ASS1: variants seen among roughly 807,000 people sequenced by gnomAD.
ASS1 encodes the protein argininosuccinate synthase.
In ASS1, 58 loss-of-function variants were observed where a neutral mutation model predicts 60.5. The observed-to-expected ratio is 0.96, with a 90% CI of 0.78 to 1.19. The LOEUF (loss-of-function observed/expected upper bound fraction) is 1.19. Among genes scored for constraint, ASS1 ranks in the 50% most tolerant of loss-of-function variants. The pLI, the probability that ASS1 is intolerant of heterozygous loss-of-function variation, is 0.00. For synonymous variants in ASS1, 200 were observed against 206.9 expected, an observed-to-expected ratio of 0.97 and a Z score of 0.29; for missense variants, 454 against 547.3, an observed-to-expected ratio of 0.83 and a Z score of 1.70.
chr9:130,454,451 G>A lies in ASS1; in HGVS notation c.174+78G>A, dbSNP rs947664319. On this transcript the variant is annotated intron_variant, in intron 3 of 14. Coordinates refer to ENST00000352480, the MANE Select transcript of ASS1 (RefSeq NM_054012.4). ...GGCAGTGGTGGATGCTCCTGCCCCA[G>A]GGATCCCATCCCTTCCAGTGTGTCT... 2.8e-6 allele frequency: 4 copies of A among 1,413,242 alleles called. No individual in the cohort carries two copies. In the South Asian group the frequency reaches 4.9e-5, roughly 17 times the overall value. 87.5% of individuals were successfully genotyped at this position (1,413,242 alleles called of 1,614,324 possible). A position where few individuals can be genotyped will look rare whatever the true frequency, so the allele number is the denominator to read the frequency against.
chr9:130,482,484 A>G (rs1846197994), intron 11 of ASS1, among the ~76,000 whole-genome samples: 1 of 151,680 alleles, frequency 6.6e-6, no homozygotes, highest in African/African-American at 2.4e-5. Flanking sequence ...GCACTACCAA[A>G]TGATCAGGAT....
At chr9:130,455,652 G>T (rs948593826) in intron 3 of ASS1, among the ~76,000 whole-genome samples, 14 of 152,238 alleles carry the variant, frequency 9.2e-5, no homozygotes, top group African/African-American at 3.1e-4. Context: ...CATTTATGAT[G>T]AACAGTGTCA....
rs1352418220 is a variant in ASS1 at position 130,477,765 on chromosome 9, GCT to G, written c.688+805_688+806del. On this transcript the variant is annotated intron_variant, in intron 9 of 14. Coordinates refer to ENST00000352480, the MANE Select transcript of ASS1 (RefSeq NM_054012.4). This position sits in a 1 kb window ranked among gnomAD's most constrained non-coding sequence, Gnocchi z 4.2. ...AGGGAGGCTTCCTGGAGGAGGTGGT[GCT>G]GGGCACAGGGGCACCCAAGGACCAG... is the stretch of plus-strand genomic sequence containing the variant. Among the ~76,000 whole-genome samples the G allele has an allele frequency of 6.6e-6, 1 of 152,224 alleles. No individual in the cohort carries two copies.
At chr9:130,458,030 G>T (rs777067294) in intron 3 of ASS1, among the ~76,000 whole-genome samples, 19 of 151,990 alleles carry the variant, frequency 1.3e-4, no homozygotes, top group Admixed American at 2.6e-4. Context: ...ATGGTGGCAT[G>T]CGCCTGTAAT....
In ASS1 at chr9:130,491,928, T is replaced by C. The variant is rs1395916512; in HGVS notation, c.970+2464T>C. Among the ~76,000 whole-genome samples, 2 of 152,160 alleles carry C rather than the reference T, an allele frequency of 1.3e-5. No homozygotes were observed. The highest frequency in any genetic ancestry group is 4.8e-5 in the African/African-American group (2 of 41,446). ...ACCCCCACAGCTCAGAGGGCCTGTT[T>C]GATGCGATTTTCCCCATGAGGGATA... On this transcript the variant is annotated intron_variant, in intron 12 of 14. Coordinates refer to ENST00000352480, the MANE Select transcript of ASS1 (RefSeq NM_054012.4). The surrounding 1 kb of genome is among the most constrained non-coding windows in gnomAD (Gnocchi z 5.3).
intron 1 of ASS1, among the ~76,000 whole-genome samples, chr9:130,449,574 T>C (rs115914366): frequency 0.018 from 2,811 of 152,128 alleles, 87 homozygotes; most frequent in African/African-American, 0.064. Flanking sequence ...AGGACTTCCC[T>C]TCCTTGAGTC....
intron 14 of ASS1, 51 bp from the exon 15 acceptor site, chr9:130,500,925 G>GT: frequency 6.3e-7 from 1 of 1,580,714 alleles, no homozygotes; most frequent in South Asian, 1.1e-5. Flanking sequence ...AACCCAGTGT[G>GT]TGTTGTTATT....
Position 130,476,809 on chromosome 9 carries a change from T to A in ASS1, c.598-62T>A. On this transcript the variant is annotated intron_variant, in intron 8 of 14. Transcript: ENST00000352480. This position sits in a 1 kb window ranked among gnomAD's most constrained non-coding sequence, Gnocchi z 4.9. Reference sequence around the variant, plus strand: ...GAGGGGTGCAGATCCCCGCGGGAGGTGGGCTGTAGGGTGTCCAGGGACTGG... The same window carrying A: ...GAGGGGTGCAGATCCCCGCGGGAGGAGGGCTGTAGGGTGTCCAGGGACTGG... The A allele has an allele frequency of 6.8e-7, 1 of 1,468,118 alleles. No homozygotes were observed. The highest frequency in any genetic ancestry group is 9.5e-7 in the Non-Finnish European group (1 of 1,049,714). The allele number at this position is 1,468,118 out of a possible 1,614,324, so 90.9% of individuals were successfully genotyped here. A position where few individuals can be genotyped will look rare whatever the true frequency, so the allele number is the denominator to read the frequency against.
At chr9:130,463,966 C>A in intron 4 of ASS1, 145 bp from the exon 5 acceptor site, 1 of 829,302 alleles carries the variant, frequency 1.2e-6, no homozygotes, top group Non-Finnish European at 2.0e-6. Flanking sequence ...CCCACACATA[C>A]ACGACCTACA....
chr9:130,497,302 C>T (rs1270525833), intron 13 of ASS1, among the ~76,000 whole-genome samples: 1 of 152,210 alleles, frequency 6.6e-6, no homozygotes, highest in Non-Finnish European at 1.5e-5. Context: ...TTGATTTCTA[C>T]ATCGCTGACT....
chr9:130,480,654 A>G (rs1404026503), intron 11 of ASS1, among the ~76,000 whole-genome samples: 1 of 152,184 alleles, frequency 6.6e-6, no homozygotes, highest in Non-Finnish European at 1.5e-5. Flanking sequence ...TCAGGGTGTT[A>G]TGAGAAGAGC....
intron 1 of ASS1, chr9:130,450,221 C>G (rs1176796409): frequency 2.0e-6 from 2 of 976,532 alleles, no homozygotes; most frequent in African/African-American, 1.8e-5. Flanking sequence ...TTTAGGGCCT[C>G]TGGGATGGCC....
intron 6 of ASS1, among the ~76,000 whole-genome samples, chr9:130,469,076 C>T (rs889044995): frequency 3.3e-5 from 5 of 152,330 alleles, no homozygotes; most frequent in East Asian, 3.9e-4. Flanking sequence ...TTCACGCCAC[C>T]GCCCAAAAAC....
At position 130,459,858 on chromosome 9, in the gene ASS1, G is replaced by A. The variant is rs188279056; in HGVS notation, c.363+1269G>A. ...ATCCCGTACCCCTTCCCTCCGGGCCGTGTGTCCCAGTGCAGACTGCGGGGT... is the reference window on the plus strand; with the variant it reads ...ATCCCGTACCCCTTCCCTCCGGGCCATGTGTCCCAGTGCAGACTGCGGGGT... On this transcript the variant is annotated intron_variant, in intron 4 of 14. Transcript: ENST00000352480. The surrounding 1 kb of genome is among the most constrained non-coding windows in gnomAD (Gnocchi z 4.6). 3.7e-3 allele frequency among the ~76,000 whole-genome samples: 567 copies of A among 152,340 alleles called. 3 individuals carry two copies. The highest frequency in any genetic ancestry group is 6.8e-3 in the Middle Eastern group (2 of 294).
intron 11 of ASS1, among the ~76,000 whole-genome samples, chr9:130,483,213 T>C (rs554058441): frequency 1.3e-5 from 2 of 152,154 alleles, no homozygotes; most frequent in South Asian, 4.2e-4. Flanking sequence ...TGAGAGAAGC[T>C]GTTAATCGTC....
At chr9:130,483,681 C>T (rs927925134) in intron 11 of ASS1, among the ~76,000 whole-genome samples, 3 of 151,024 alleles carry the variant, frequency 2.0e-5, no homozygotes, top group African/African-American at 7.4e-5. Context: ...TCTCCCGCCG[C>T]TCTCCCCTCT....
At chr9:130,493,839 G>A (rs560091280) in intron 12 of ASS1, among the ~76,000 whole-genome samples, 2 of 152,310 alleles carry the variant, frequency 1.3e-5, no homozygotes, top group African/African-American at 4.8e-5. Context: ...GGGTCTGAGC[G>A]CTACCCCTCC....
At chr9:130,458,631 G>C in intron 4 of ASS1, 42 bp downstream of exon 4, 2 of 1,594,954 alleles carry the variant, frequency 1.3e-6, no homozygotes, top group African/African-American at 1.3e-5. Context: ...AGATGGAGGC[G>C]GAGGGGTGTG....
In ASS1 at chr9:130,477,805, C is replaced by T. The variant is rs1300534094; in HGVS notation, c.688+844C>T. Among the ~76,000 whole-genome samples, 1 of 152,110 alleles carries T rather than the reference C, an allele frequency of 6.6e-6. No homozygotes were observed. The highest frequency in any genetic ancestry group is 2.4e-5 in the African/African-American group (1 of 41,398). ...ACCCAAGGACCAGGCGGGGGGCTGGCCCATTCGTCCACAAAGTGGCTGCCC... is the reference window on the plus strand; with the variant it reads ...ACCCAAGGACCAGGCGGGGGGCTGGTCCATTCGTCCACAAAGTGGCTGCCC... On this transcript the variant is annotated intron_variant, in intron 9 of 14. Transcript: ENST00000352480. The surrounding 1 kb of genome is among the most constrained non-coding windows in gnomAD (Gnocchi z 4.2).
Sources: allele counts gnomAD v4.1 joint callset (sites outside exome capture counted in the v4.1 genomes callset), GRCh38; gene constraint gnomAD v4.1.1; non-coding constraint Gnocchi (gnomAD v3.1); transcripts MANE v1.5; gene names NCBI Gene and HGNC (gene_info 2026-07-23, HGNC 2026-07-21).